HTATSF1: variants seen among roughly 807,000 people sequenced by gnomAD.
HTATSF1 encodes HIV-1 Tat specific factor 1, also known as 17S U2 SnRNP complex component HTATSF1.
HTATSF1 carries 6 observed loss-of-function variants against 46.1 expected under a neutral mutation model. That is an observed-to-expected ratio of 0.13 (90% CI 0.07 to 0.26). The LOEUF (loss-of-function observed/expected upper bound fraction) is 0.26, where lower values mean the gene tolerates loss of function less well. HTATSF1 is among the 10% of genes least tolerant of loss of function. The pLI is 1.00. For missense variants in HTATSF1, 452 were observed against 559.9 expected (o/e 0.81, Z 1.94); for synonymous variants, 226 against 211.5 (o/e 1.07, Z -0.60).
Position 136,499,588 on chromosome X carries a change from G to T in HTATSF1, c.187-10G>T, listed in dbSNP as rs765706066. On this transcript the variant is annotated splice_polypyrimidine_tract_variant and intron_variant, in intron 1 of 8. Transcript: ENST00000218364. ...TTTCTCTGTCCGGGTCTGTTGAATT[G>T]CTTGTGTAGATTACTGAAGATTTCA... 2 of 1,148,944 alleles carry T rather than the reference G, an allele frequency of 1.7e-6. No individual in the cohort carries two copies. The highest frequency in any genetic ancestry group is 2.3e-6 in the Non-Finnish European group (2 of 866,298). 94.7% of individuals were successfully genotyped at this position (1,148,944 alleles called of 1,213,427 possible).
chrX:136,505,239 C>A (rs1042723426), intron 6 of HTATSF1, among the ~76,000 whole-genome samples: 3 of 111,949 alleles, frequency 2.7e-5, no homozygotes, highest in African/African-American at 9.7e-5. Context: ...CGTAAAATTC[C>A]GTTTTTACCA....
chrX:136,499,921 T>C, intron 2 of HTATSF1, 143 bp downstream of exon 2: 1 of 503,352 alleles, frequency 2.0e-6, no homozygotes, highest in Non-Finnish European at 3.2e-6. Flanking sequence ...TTATAAAGAA[T>C]CAAGATAAAC....
Position 136,510,864 on chromosome X carries a change from C to T in HTATSF1, c.1119C>T (p.Leu373=), listed in dbSNP as rs1416033213. 1.7e-6 allele frequency: 2 copies of T among 1,209,310 alleles called. No homozygotes were observed. Among genetic ancestry groups the T allele is most frequent in the Admixed American group, 2.2e-5 (1 of 45,638 alleles). The change falls in exon 9 of 9, where the codon CTC becomes CTT. Residue 373 remains leucine (L), a synonymous_variant. Coordinates refer to ENST00000218364, the MANE Select transcript of HTATSF1 (RefSeq NM_014500.5). ...GGCTGAGAGGATGGGAGGCTTTCCT[C>T]AATGCTCCTGAGGCCAACAGAGGCC... The part of the protein sequence containing the change: ...EERLRGWEAF[L]NAPEANRGLR...
upstream of HTATSF1, chrX:136,497,575 G>T (rs1260430652): frequency 1.6e-6 from 1 of 623,492 alleles, no homozygotes; most frequent in Non-Finnish European, 2.3e-6. Context: ...CGGGCCGGGG[G>T]GCGGCGGGGC....
chrX:136,507,339 C>T (rs1024240486), intron 6 of HTATSF1, among the ~76,000 whole-genome samples: 3 of 111,659 alleles, frequency 2.7e-5, no homozygotes, highest in Non-Finnish European at 5.6e-5. Context: ...GTATTTAATT[C>T]AAATCCTTAC....
intron 7 of HTATSF1, among the ~76,000 whole-genome samples, chrX:136,509,669 G>A (rs2075758483): frequency 8.9e-6 from 1 of 112,245 alleles, no homozygotes; most frequent in African/African-American, 3.2e-5. Flanking sequence ...TTTGAGGCAG[G>A]TTAGCACTAT....
chrX:136,504,577 G>A (rs1191400050), intron 6 of HTATSF1, 114 bp downstream of exon 6: 1 of 493,301 alleles, frequency 2.0e-6, no homozygotes. Flanking sequence ...TGTTTGTGCA[G>A]CGAGTAGTAA....
At chrX:136,504,231 T>G in intron 5 of HTATSF1, 133 bp from the exon 6 acceptor site, 1 of 436,918 alleles carries the variant, frequency 2.3e-6, no homozygotes, top group Non-Finnish European at 3.9e-6. Context: ...GAAATACAGT[T>G]TGTTGTTGTA....
intron 4 of HTATSF1, among the ~76,000 whole-genome samples, chrX:136,502,125 C>T (rs1297603402): frequency 9.0e-6 from 1 of 111,015 alleles, no homozygotes; most frequent in Non-Finnish European, 1.9e-5. Context: ...GATAACTGTC[C>T]TTTCTCTAAG....
In HTATSF1 at chrX:136,500,712, A is replaced by G; in HGVS notation, c.464A>G (p.Lys155Arg). The G allele has an allele frequency of 8.7e-7, 1 of 1,147,715 alleles. No homozygotes were observed. Among genetic ancestry groups the G allele is most frequent in the Non-Finnish European group, 1.2e-6 (1 of 861,175 alleles). The allele number at this position is 1,147,715 out of a possible 1,213,427, so 94.6% of individuals were successfully genotyped here. A position where few individuals can be genotyped will look rare whatever the true frequency, so the allele number is the denominator to read the frequency against. ...TVDEFIQLMS[K>R]FGIIMRDPQT... The stretch of plus-strand genomic sequence containing the variant: ...GATGAATTTATACAACTTATGTCCA[A>G]GTTTGGCATTATTATGAGAGATCCT... Residue 155 changes from lysine to arginine, a missense_variant, in exon 4 of 9, where the codon AAG (lysine) becomes AGG (arginine). Around this residue, in one of 3 missense-constraint regions of HTATSF1, gnomAD observed 117 missense variants for 222.2 expected, o/e 0.53. Coordinates refer to ENST00000218364, the MANE Select transcript of HTATSF1 (RefSeq NM_014500.5).
upstream of HTATSF1, chrX:136,497,543 C>A (rs1301296206): frequency 1.7e-5 from 7 of 416,489 alleles, no homozygotes; most frequent in Non-Finnish European, 2.3e-5. Flanking sequence ...TTCCCGGGGA[C>A]TGCTGGGGCG....
At chrX:136,505,957 CAT>C (rs942450371) in intron 6 of HTATSF1, among the ~76,000 whole-genome samples, 34 of 112,084 alleles carry the variant, frequency 3.0e-4, no homozygotes, top group African/African-American at 1.0e-3. Context: ...TATTAGGTGA[CAT>C]ATTTATTTCT....
intron 3 of HTATSF1, 21 bp from the exon 4 acceptor site, chrX:136,500,643 T>C: frequency 9.7e-7 from 1 of 1,035,370 alleles, no homozygotes. Context: ...TAAATGTTTT[T>C]TAATTTTTCT....
upstream of HTATSF1, chrX:136,497,396 C>T: frequency 8.8e-6 from 1 of 114,034 alleles, no homozygotes; most frequent in Non-Finnish European, 1.9e-5. Flanking sequence ...TCCCGCAGCG[C>T]CCTGGACCTA....
chrX:136,511,243 A>G lies in HTATSF1; in HGVS notation c.1498A>G (p.Lys500Glu). The G allele has an allele frequency of 2.5e-6, 3 of 1,209,198 alleles. 1 individual carries two copies. Among genetic ancestry groups the G allele is most frequent in the Non-Finnish European group, 3.4e-6 (3 of 894,685 alleles). ...PVRGSEEDSP[K>E]KESKKKTLKN... is the part of the protein sequence containing the mutation. ...AAGAGGATCTGAAGAGGATAGTCCT[A>G]AAAAAGAGTCTAAAAAGAAGACACT... The change falls in exon 9 of 9, where the codon AAA (lysine) becomes GAA (glutamate). Residue 500 changes from lysine (K) to glutamate (E), a missense_variant. Transcript: ENST00000218364.
intron 6 of HTATSF1, among the ~76,000 whole-genome samples, chrX:136,505,747 A>G (rs1009287988): frequency 2.7e-5 from 3 of 111,492 alleles, no homozygotes; most frequent in African/African-American, 6.5e-5. Flanking sequence ...AGATCGCGCC[A>G]CTGCACTCCA....
Position 136,499,621 on chromosome X carries a change from A to C in HTATSF1, c.210A>C (p.Thr70=), listed in dbSNP as rs896052424. 1.7e-6 allele frequency: 2 copies of C among 1,185,351 alleles called. No individual in the cohort carries two copies. The highest frequency in any genetic ancestry group is 2.3e-6 in the Non-Finnish European group (2 of 886,185). ...AGATTACTGAAGATTTCATTGCTAC[A>C]TATCAGGCCAATTATGGCTTCTCTA... The part of the protein sequence containing the change: ...FPKITEDFIA[T]YQANYGFSND... Residue 70 remains threonine (T), a synonymous_variant, in exon 2 of 9, where the codon ACA becomes ACC. Transcript: ENST00000218364.
At chrX:136,504,332 TAC>T in intron 5 of HTATSF1, 30 bp from the exon 6 acceptor site, 1 of 1,117,042 alleles carries the variant, frequency 9.0e-7, no homozygotes, top group Non-Finnish European at 1.2e-6. Flanking sequence ...AAGCAAAATT[TAC>T]AGTTTGTTGT....
In HTATSF1 at chrX:136,510,909, C is replaced by G; in HGVS notation, c.1164C>G (p.Val388=). Residue 388 remains valine (V), a synonymous_variant, in exon 9 of 9, where the codon GTC becomes GTG. Transcript: ENST00000218364. ...ANRGLRRSDS[V]SASERAGPSR... The stretch of plus-strand genomic sequence containing the variant: ...GAGGCCTTAGGCGTTCAGATTCTGT[C>G]TCTGCTTCCGAAAGGGCAGGGCCTT... 1 of 1,211,753 alleles carries G rather than the reference C, an allele frequency of 8.3e-7. No homozygotes were observed. The highest frequency in any genetic ancestry group is 1.8e-5 in the South Asian group (1 of 56,997).
Sources: allele counts gnomAD v4.1 joint callset (sites outside exome capture counted in the v4.1 genomes callset), GRCh38; gene constraint gnomAD v4.1.1; regional missense constraint gnomAD v4.1.1; transcripts MANE v1.5; gene names NCBI Gene and HGNC (gene_info 2026-07-23, HGNC 2026-07-21).